The following TSHZ2 variants were observed in gnomAD, a reference collection of about 807,000 sequenced individuals.
TSHZ2 encodes the protein teashirt zinc finger homeobox 2, also known as teashirt homolog 2.
A neutral mutation model predicts 74.4 loss-of-function variants in TSHZ2; 21 were observed. The observed-to-expected ratio is 0.28, with a 90% confidence interval of 0.20 to 0.41. The LOEUF is 0.41. TSHZ2 is among the 10% of genes least tolerant of loss of function. The pLI, the probability that TSHZ2 is intolerant of heterozygous loss-of-function variation, is 1.00. For synonymous variants in TSHZ2, 540 were observed against 515.3 expected (o/e 1.05, Z -0.65); for missense variants, 1,244 against 1,293.5 (o/e 0.96, Z 0.59).
intron 1 of TSHZ2, among the ~76,000 whole-genome samples, chr20:53,060,105 G>T (rs1471995912): frequency 6.6e-6 from 1 of 152,314 alleles, no homozygotes; most frequent in African/African-American, 2.4e-5. Context: ...CTGCCTGCCA[G>T]TGTAGTTGTA....
At chr20:53,336,005 A>T (rs974058606) in intron 2 of TSHZ2, among the ~76,000 whole-genome samples, 7 of 152,210 alleles carry the variant, frequency 4.6e-5, no homozygotes, top group Admixed American at 4.6e-4. Flanking sequence ...TCAGTTTTTT[A>T]AAAAACTCAT....
At chr20:53,241,664 TGA>T (rs1990074036) in intron 1 of TSHZ2, among the ~76,000 whole-genome samples, 1 of 152,138 alleles carries the variant, frequency 6.6e-6, no homozygotes, top group South Asian at 2.1e-4. Context: ...GTGATGGTAA[TGA>T]GAGGAGACAT....
chr20:53,016,023 C>T (rs1600647081), intron 1 of TSHZ2, among the ~76,000 whole-genome samples: 1 of 152,238 alleles, frequency 6.6e-6, no homozygotes, highest in East Asian at 1.9e-4. Flanking sequence ...ATCATTGTCT[C>T]GGCTCAGCGA....
At chr20:53,472,777 T>C (rs527714350) in intron 2 of TSHZ2, among the ~76,000 whole-genome samples, 1 of 150,434 alleles carries the variant, frequency 6.6e-6, no homozygotes, top group Non-Finnish European at 1.5e-5. Flanking sequence ...TGGCAGACAG[T>C]GGGCGCAGGT....
At chr20:53,138,394 A>G (rs895212929) in intron 1 of TSHZ2, among the ~76,000 whole-genome samples, 2 of 151,492 alleles carry the variant, frequency 1.3e-5, no homozygotes, top group Non-Finnish European at 2.9e-5. Context: ...CAAAAAAGAA[A>G]AAAAAAAAAA....
chr20:53,311,791 C>G (rs753692039), intron 2 of TSHZ2, among the ~76,000 whole-genome samples: 9 of 152,190 alleles, frequency 5.9e-5, no homozygotes, highest in Non-Finnish European at 1.3e-4. Context: ...AACAGGACAT[C>G]TTACCTGTAG....
At chr20:53,252,618 G>A (rs1990357375) in intron 1 of TSHZ2, among the ~76,000 whole-genome samples, 1 of 152,120 alleles carries the variant, frequency 6.6e-6, no homozygotes, top group South Asian at 2.1e-4. Flanking sequence ...TTCAGAGAAG[G>A]GAAAGCATGC....
chr20:53,121,323 A>G (rs1986804141), intron 1 of TSHZ2, among the ~76,000 whole-genome samples: 1 of 152,196 alleles, frequency 6.6e-6, no homozygotes, highest in South Asian at 2.1e-4. Flanking sequence ...GGGTTACAAT[A>G]TCTAATACCC....
intron 2 of TSHZ2, among the ~76,000 whole-genome samples, chr20:53,408,120 G>T (rs188004555): frequency 6.6e-6 from 1 of 152,282 alleles, no homozygotes; most frequent in Admixed American, 6.5e-5. Flanking sequence ...AAGCAGAGCT[G>T]GTGTCCGGCT....
At chr20:53,195,893 C>A (rs1274752671) in intron 1 of TSHZ2, among the ~76,000 whole-genome samples, 1 of 152,132 alleles carries the variant, frequency 6.6e-6, no homozygotes, top group Non-Finnish European at 1.5e-5. Context: ...GTCTGCAGAC[C>A]TAACTGCAGG....
At chr20:53,061,312 C>T (rs563504019) in intron 1 of TSHZ2, among the ~76,000 whole-genome samples, 4 of 152,156 alleles carry the variant, frequency 2.6e-5, no homozygotes, top group Non-Finnish European at 4.4e-5. Context: ...CCAGCACATG[C>T]GTCAGAGAGA....
At chr20:53,206,139 A>G (rs1989162923) in intron 1 of TSHZ2, among the ~76,000 whole-genome samples, 1 of 152,198 alleles carries the variant, frequency 6.6e-6, no homozygotes, top group South Asian at 2.1e-4. Context: ...GAATCGTTTG[A>G]ACCTGGGAGT....
chr20:53,432,145 C>G (rs939891276), intron 2 of TSHZ2, among the ~76,000 whole-genome samples: 1 of 152,190 alleles, frequency 6.6e-6, no homozygotes, highest in Non-Finnish European at 1.5e-5. Flanking sequence ...ACTTCTGAGT[C>G]TCCAGTGTTC....
chr20:53,463,439 G>GAAGGAAGGAAGA lies in TSHZ2; in HGVS notation c.*9-23704_*9-23703insAGGAAGGAAGAA, dbSNP rs1184885442. On this transcript the variant is annotated intron_variant, in intron 2 of 2. Coordinates refer to ENST00000371497, the MANE Select transcript of TSHZ2 (RefSeq NM_173485.6). ...GGAAGGAAGGAAGGAAGGAAGGAGGGAGGGAGGGAAGGAAGGAAGGAAGGT... is the reference window on the plus strand; with the variant it reads ...GGAAGGAAGGAAGGAAGGAAGGAGGGAAGGAAGGAAGAAGGGAGGGAAGGAAGGAAGGAAGGT... Among the ~76,000 whole-genome samples, 123 of 141,892 alleles carry GAAGGAAGGAAGA rather than the reference G, an allele frequency of 8.7e-4. 3 individuals carry two copies. Among genetic ancestry groups the GAAGGAAGGAAGA allele is most frequent in the Non-Finnish European group, 1.5e-3 (99 of 65,150 alleles). The allele number at this position is 141,892 out of a possible 152,430, so 93.1% of individuals were successfully genotyped here.
At chr20:53,383,262 CAA>C (rs11475983) in intron 2 of TSHZ2, among the ~76,000 whole-genome samples, 4 of 133,888 alleles carry the variant, frequency 3.0e-5, no homozygotes, top group African/African-American at 2.9e-5. Context: ...AACTCTGTCT[CAA>C]AAAAAAAAAG....
chr20:53,069,040 A>C (rs745992170), intron 1 of TSHZ2, among the ~76,000 whole-genome samples: 2 of 152,184 alleles, frequency 1.3e-5, no homozygotes, highest in Non-Finnish European at 2.9e-5. Context: ...AGTTCAGGGA[A>C]GCACCAGGAG....
At chr20:53,178,805 A>G (rs773935210) in intron 1 of TSHZ2, 2 of 152,252 alleles carry the variant, frequency 1.3e-5, no homozygotes, top group African/African-American at 4.8e-5. Flanking sequence ...ATCCAGTCAT[A>G]GCATCGCCAA....
intron 2 of TSHZ2, among the ~76,000 whole-genome samples, chr20:53,307,246 T>C (rs1035141927): frequency 6.6e-6 from 1 of 152,126 alleles, no homozygotes; most frequent in Non-Finnish European, 1.5e-5. Context: ...CCCAGAACAC[T>C]GACCACTTCC....
At chr20:53,227,890 T>C (rs368710088) in intron 1 of TSHZ2, among the ~76,000 whole-genome samples, 10 of 152,248 alleles carry the variant, frequency 6.6e-5, no homozygotes, top group Admixed American at 6.5e-5. Flanking sequence ...TCCTTTTTTC[T>C]CTCCTTTTTC....
Sources: allele counts gnomAD v4.1 joint callset (sites outside exome capture counted in the v4.1 genomes callset), GRCh38; gene constraint gnomAD v4.1.1; transcripts MANE v1.5; gene names NCBI Gene and HGNC (gene_info 2026-07-23, HGNC 2026-07-21).